Variants in HPSE2 observed in about 807,000 individuals in gnomAD.
HPSE2 encodes the protein heparanase 2 (inactive), also known as inactive heparanase-2.
In HPSE2, 38 loss-of-function variants were observed where a neutral mutation model predicts 60.5. The observed-to-expected ratio is 0.63, with a 90% CI of 0.48 to 0.82. The LOEUF is 0.82. HPSE2 is among the 40% of genes least tolerant of loss of function. The probability of loss-of-function intolerance (pLI) is 0.00; values close to 1 mark genes in which losing one functional copy is unlikely to be tolerated. For synonymous variants in HPSE2, 295 were observed against 293.2 expected, an observed-to-expected ratio of 1.01 and a Z score of -0.06; for missense variants, 713 against 740.4, an observed-to-expected ratio of 0.96 and a Z score of 0.43.
At chr10:98,481,766 C>T (rs982538822) in intron 11 of HPSE2, among the ~76,000 whole-genome samples, 1 of 152,208 alleles carries the variant, frequency 6.6e-6, no homozygotes, top group Non-Finnish European at 1.5e-5. Flanking sequence ...TGCAAGCCAC[C>T]TGCTCCAAGT....
intron 6 of HPSE2, among the ~76,000 whole-genome samples, chr10:98,692,741 C>G (rs10883160): frequency 0.02 from 3,090 of 151,690 alleles, 121 homozygotes; most frequent in East Asian, 0.17. Context: ...TGCACTCCAG[C>G]CTGGGCGACA....
chr10:99,230,415 G>C (rs552193284), intron 2 of HPSE2, among the ~76,000 whole-genome samples: 1 of 152,162 alleles, frequency 6.6e-6, no homozygotes, highest in South Asian at 2.1e-4. Context: ...TACATTCCTA[G>C]AGATATTTAA....
At chr10:98,762,562 T>C (rs1950029857) in intron 3 of HPSE2, among the ~76,000 whole-genome samples, 1 of 152,130 alleles carries the variant, frequency 6.6e-6, no homozygotes, top group African/African-American at 2.4e-5. Flanking sequence ...TGAAATGTGA[T>C]AAAACCATGG....
chr10:98,751,807 G>C (rs1565136656), intron 3 of HPSE2, among the ~76,000 whole-genome samples: 1 of 152,160 alleles, frequency 6.6e-6, no homozygotes, highest in Non-Finnish European at 1.5e-5. Flanking sequence ...TTTGGGGTTG[G>C]GTTAATACTA....
the HPSE2 span, among the ~76,000 whole-genome samples, chr10:99,277,375 A>C: frequency 6.6e-6 from 1 of 152,256 alleles, no homozygotes; most frequent in Non-Finnish European, 1.5e-5. Context: ...CCAACAAGTA[A>C]AAAGTAAACG....
At chr10:99,184,702 T>C (rs559579038) in intron 2 of HPSE2, among the ~76,000 whole-genome samples, 1 of 144,126 alleles carries the variant, frequency 6.9e-6, no homozygotes, top group Non-Finnish European at 1.5e-5. Context: ...AATGAAAAAA[T>C]ATTAGATTGG....
chr10:99,073,654 T>A (rs949871269), intron 3 of HPSE2, among the ~76,000 whole-genome samples: 2 of 152,100 alleles, frequency 1.3e-5, no homozygotes, highest in Non-Finnish European at 2.9e-5. Flanking sequence ...GTTAAAAAAA[T>A]AATAATAATA....
chr10:98,819,941 T>C (rs1951385813), intron 3 of HPSE2, among the ~76,000 whole-genome samples: 1 of 152,128 alleles, frequency 6.6e-6, no homozygotes, highest in Non-Finnish European at 1.5e-5. Context: ...ACATTAATAA[T>C]ATTGTCACTC....
At chr10:99,249,787 G>A in the HPSE2 span, among the ~76,000 whole-genome samples, 2 of 152,178 alleles carry the variant, frequency 1.3e-5, no homozygotes, top group South Asian at 2.1e-4. Flanking sequence ...GGATCATGGG[G>A]GTGGATTTGC....
intron 3 of HPSE2, among the ~76,000 whole-genome samples, chr10:99,029,317 C>T (rs1467237008): frequency 6.6e-6 from 1 of 152,158 alleles, no homozygotes; most frequent in African/African-American, 2.4e-5. Flanking sequence ...GGACCAGCCC[C>T]ACAGGGTCGG....
intron 3 of HPSE2, among the ~76,000 whole-genome samples, chr10:99,060,369 C>A (rs987495860): frequency 3.9e-5 from 6 of 151,942 alleles, no homozygotes; most frequent in African/African-American, 1.4e-4. Context: ...TCATAAAAAA[C>A]AAAAATAGGC....
intron 3 of HPSE2, among the ~76,000 whole-genome samples, chr10:98,944,214 T>A (rs1375227965): frequency 6.6e-6 from 1 of 151,968 alleles, no homozygotes; most frequent in East Asian, 1.9e-4. Flanking sequence ...AGTGCCCAGA[T>A]GGAAAATGTA....
intron 2 of HPSE2, among the ~76,000 whole-genome samples, chr10:99,211,741 T>C (rs1848959561): frequency 1.3e-5 from 2 of 152,134 alleles, no homozygotes; most frequent in African/African-American, 4.8e-5. Flanking sequence ...ATTTAAGACC[T>C]GAAACTATAA....
At chr10:99,163,345 G>A (rs1360428831) in intron 2 of HPSE2, among the ~76,000 whole-genome samples, 3 of 151,994 alleles carry the variant, frequency 2.0e-5, no homozygotes, top group Non-Finnish European at 4.4e-5. Context: ...ATTTCCTTCA[G>A]ATTTATTTAA....
intron 1 of HPSE2, among the ~76,000 whole-genome samples, chr10:99,234,458 G>A (rs1849773046): frequency 1.3e-5 from 2 of 152,210 alleles, no homozygotes; most frequent in African/African-American, 4.8e-5. Flanking sequence ...AGAGCGCTGA[G>A]GGCTCTTCGA....
intron 3 of HPSE2, among the ~76,000 whole-genome samples, chr10:98,954,978 T>TTATATATATATATATATACATATTTATA (rs5787317): frequency 6.9e-6 from 1 of 145,318 alleles, no homozygotes; most frequent in African/African-American, 2.5e-5. Context: ...ATATACATAT[T>TTATATATATATATATATACATATTTATA]TATATATATA....
At chr10:98,465,332 C>T (rs1209078215) in intron 11 of HPSE2, among the ~76,000 whole-genome samples, 1 of 152,160 alleles carries the variant, frequency 6.6e-6, no homozygotes, top group Non-Finnish European at 1.5e-5. Flanking sequence ...CAGGTGTTAG[C>T]ATTCCTGTAT....
intron 4 of HPSE2, among the ~76,000 whole-genome samples, chr10:98,731,217 T>G (rs1479506216): frequency 6.6e-6 from 1 of 151,916 alleles, no homozygotes; most frequent in Non-Finnish European, 1.5e-5. Flanking sequence ...GTCTGGGAGG[T>G]GGAGTGAGCC....
At chr10:98,631,844 A>G (rs1946373161) in intron 7 of HPSE2, among the ~76,000 whole-genome samples, 1 of 152,188 alleles carries the variant, frequency 6.6e-6, no homozygotes, top group Admixed American at 6.5e-5. Context: ...CTTGCCTAAT[A>G]TCATGATACT....
Sources: gnomAD v4.1 joint callset for allele counts (sites outside exome capture counted in the v4.1 genomes callset) on GRCh38, gnomAD v4.1.1 for gene constraint, MANE v1.5 for transcripts, NCBI Gene and HGNC (gene_info 2026-07-23, HGNC 2026-07-21) for gene names.